FAM135B: variants seen among roughly 807,000 people sequenced by gnomAD.
FAM135B encodes the protein protein FAM135B.
In FAM135B, 43 loss-of-function variants were observed where a neutral mutation model predicts 127.7. That is an observed-to-expected ratio of 0.34 (90% confidence interval 0.26 to 0.43). The LOEUF (loss-of-function observed/expected upper bound fraction) is 0.43. FAM135B is among the 20% of genes least tolerant of loss of function. The probability of loss-of-function intolerance (pLI) is 1.00; values close to 1 mark genes in which losing one functional copy is unlikely to be tolerated. For missense variants in FAM135B, 1,558 were observed against 1,725.6 expected (o/e 0.90, Z 1.72); for synonymous variants, 670 against 665.1 (o/e 1.01, Z -0.11).
chr8:138,300,712 T>C (rs528503872), intron 3 of FAM135B, among the ~76,000 whole-genome samples: 80 of 151,896 alleles, frequency 5.3e-4, no homozygotes, highest in African/African-American at 1.9e-3. Flanking sequence ...GAATTTCCTC[T>C]TCAATATTTT....
chr8:138,332,398 T>C (rs1425530852), intron 2 of FAM135B, among the ~76,000 whole-genome samples: 1 of 152,170 alleles, frequency 6.6e-6, no homozygotes, highest in African/African-American at 2.4e-5. Context: ...TAATGGACAC[T>C]GCACATAAAT....
chr8:138,471,714 A>C (rs992073568), intron 1 of FAM135B, among the ~76,000 whole-genome samples: 3 of 152,204 alleles, frequency 2.0e-5, no homozygotes, highest in Non-Finnish European at 4.4e-5. Context: ...GGTAATTTAA[A>C]CCTTTGAAGT....
chr8:138,314,693 C>CAATAAATAAATAAATAAACAAATA (rs1826939279), intron 2 of FAM135B, among the ~76,000 whole-genome samples: 1 of 120,282 alleles, frequency 8.3e-6, no homozygotes, highest in Non-Finnish European at 1.7e-5. Context: ...CCCATCCCTA[C>CAATAAATAAATAAATAAACAAATA]AATAAATAAA....
intron 3 of FAM135B, among the ~76,000 whole-genome samples, chr8:138,305,450 G>C (rs1826174007): frequency 6.6e-6 from 1 of 152,126 alleles, no homozygotes; most frequent in African/African-American, 2.4e-5. Context: ...CATTTTGGTG[G>C]AAGAAAAGAG....
chr8:138,214,244 C>A (rs996330440), intron 7 of FAM135B, among the ~76,000 whole-genome samples: 1 of 152,132 alleles, frequency 6.6e-6, no homozygotes, highest in Non-Finnish European at 1.5e-5. Context: ...TATTTCTATG[C>A]AAAGGTAATA....
intron 1 of FAM135B, 51 bp from the exon 2 acceptor site, chr8:138,368,053 A>C: frequency 7.4e-7 from 1 of 1,343,398 alleles, no homozygotes; most frequent in Non-Finnish European, 1.1e-6. Flanking sequence ...AGCCACTCAG[A>C]AAGAACCTGG....
intron 7 of FAM135B, among the ~76,000 whole-genome samples, chr8:138,214,375 CACTT>C (rs1222237658): frequency 1.3e-5 from 2 of 152,138 alleles, no homozygotes; most frequent in Non-Finnish European, 2.9e-5. Flanking sequence ...ATTCAAGAAT[CACTT>C]ATTGGGCATT....
chr8:138,190,812 A>G (rs1816051105), intron 9 of FAM135B, among the ~76,000 whole-genome samples: 1 of 152,188 alleles, frequency 6.6e-6, no homozygotes, highest in African/African-American at 2.4e-5. Context: ...AGGTCTTTAG[A>G]TAACCTCTTT....
At chr8:138,172,672 C>A (rs1820570736) in intron 11 of FAM135B, among the ~76,000 whole-genome samples, 1 of 152,176 alleles carries the variant, frequency 6.6e-6, no homozygotes, top group Non-Finnish European at 1.5e-5. Flanking sequence ...GTCCCCAGAT[C>A]AGTTCCTGGA....
chr8:138,422,226 C>T (rs4909790), intron 1 of FAM135B, among the ~76,000 whole-genome samples: 89,334 of 151,894 alleles, frequency 0.59, 27,160 homozygotes, highest in African/African-American at 0.73. Flanking sequence ...GATTTTATGA[C>T]GATGACTCTA....
At chr8:138,426,599 C>A (rs1402811906) in intron 1 of FAM135B, among the ~76,000 whole-genome samples, 1 of 151,242 alleles carries the variant, frequency 6.6e-6, no homozygotes, top group Non-Finnish European at 1.5e-5. Context: ...TTATCATAAT[C>A]TAATACTATA....
In FAM135B at chr8:138,188,492, C is replaced by A. The variant is rs541084861; in HGVS notation, c.873+6766G>T. Reference sequence around the variant, plus strand: ...GTTGTTGGTGTGAGGAAAGCCTCCACGCATTTGGTGTCAAAGTGTCTGTGG... The same window carrying A: ...GTTGTTGGTGTGAGGAAAGCCTCCAAGCATTTGGTGTCAAAGTGTCTGTGG... On this transcript the variant is annotated intron_variant, in intron 9 of 19. Coordinates refer to ENST00000395297, the MANE Select transcript of FAM135B (RefSeq NM_015912.4). Among the ~76,000 whole-genome samples the A allele has an allele frequency of 5.3e-5, 8 of 152,304 alleles. No individual in the cohort carries two copies. In the East Asian group the frequency reaches 9.7e-4, roughly 18 times the overall value.
intron 3 of FAM135B, among the ~76,000 whole-genome samples, chr8:138,272,022 T>C (rs1004564198): frequency 2.6e-5 from 4 of 152,044 alleles, no homozygotes; most frequent in Non-Finnish European, 4.4e-5. Context: ...TTAATTTTAC[T>C]CCTTAATTTG....
intron 1 of FAM135B, chr8:138,450,871 T>C (rs1836444964): frequency 6.6e-6 from 1 of 152,250 alleles, no homozygotes; most frequent in African/African-American, 2.4e-5. Flanking sequence ...TCCTAGACAC[T>C]GTGCTAAACT....
At chr8:138,176,319 T>A (rs955925986) in intron 11 of FAM135B, among the ~76,000 whole-genome samples, 1 of 152,250 alleles carries the variant, frequency 6.6e-6, no homozygotes, top group Non-Finnish European at 1.5e-5. Context: ...CCTGCAGGGA[T>A]CTTGATATGC....
chr8:138,362,856 T>C (rs981382588), intron 2 of FAM135B, among the ~76,000 whole-genome samples: 7 of 152,200 alleles, frequency 4.6e-5, no homozygotes, highest in Non-Finnish European at 8.8e-5. Flanking sequence ...TATCTTTTCA[T>C]CTTAGTGTTT....
intron 1 of FAM135B, among the ~76,000 whole-genome samples, chr8:138,463,379 CAAG>C (rs1191113623): frequency 2.0e-5 from 3 of 151,974 alleles, no homozygotes; most frequent in African/African-American, 7.2e-5. Flanking sequence ...TCAAGGAACT[CAAG>C]AAGGGTGGGA....
chr8:138,378,975 T>C (rs1831664915), intron 1 of FAM135B, among the ~76,000 whole-genome samples: 1 of 152,186 alleles, frequency 6.6e-6, no homozygotes, highest in Admixed American at 6.5e-5. Context: ...ATGCCATCAC[T>C]ATTTGCAGCT....
rs367717008 is a variant in FAM135B at position 138,304,417 on chromosome 8, G to T, written c.157+6424C>A. ...GAAGAAGCACAGAAATGCAGGTGGG[G>T]TGTGGAAGGGGCTACGTGCTGCATG... On this transcript the variant is annotated intron_variant, in intron 3 of 19. Transcript: ENST00000395297. 1.6e-3 allele frequency among the ~76,000 whole-genome samples: 244 copies of T among 152,342 alleles called. 1 individual carries two copies. Among genetic ancestry groups the T allele is most frequent in the African/African-American group, 5.5e-3 (230 of 41,586 alleles).
Sources: allele counts gnomAD v4.1 joint callset (sites outside exome capture counted in the v4.1 genomes callset), GRCh38; gene constraint gnomAD v4.1.1; transcripts MANE v1.5; gene names NCBI Gene and HGNC (gene_info 2026-07-23, HGNC 2026-07-21).